UROC1: variants seen among roughly 807,000 people sequenced by gnomAD.
UROC1 encodes urocanate hydratase 1, also known as urocanate hydratase.
UROC1 carries 79 observed loss-of-function variants against 89.5 expected under a neutral mutation model. The observed-to-expected ratio is 0.88, with a 90% confidence interval of 0.74 to 1.06. The LOEUF (loss-of-function observed/expected upper bound fraction) is 1.06. UROC1 is among the 50% of genes least tolerant of loss of function. The pLI, the probability that UROC1 is intolerant of heterozygous loss-of-function variation, is 0.00. For missense variants in UROC1, 885 were observed against 907.8 expected (o/e 0.97, Z 0.32); for synonymous variants, 361 against 354.8 (o/e 1.02, Z -0.20).
intron 13 of UROC1, 46 bp from the exon 14 acceptor site, chr3:126,498,218 G>A: frequency 1.2e-6 from 2 of 1,613,194 alleles, no homozygotes; most frequent in Non-Finnish European, 1.7e-6. Context: ...TGGCTTGTTG[G>A]GGGAGGGGGT....
intron 8 of UROC1, among the ~76,000 whole-genome samples, chr3:126,505,339 T>C (rs893294928): frequency 1.3e-5 from 2 of 152,202 alleles, no homozygotes; most frequent in Non-Finnish European, 2.9e-5. Context: ...GGGGAGTCTA[T>C]GAGTTCATTT....
chr3:126,491,451 G>A (rs879873411), intron 16 of UROC1, among the ~76,000 whole-genome samples: 15 of 152,230 alleles, frequency 9.9e-5, no homozygotes, highest in Admixed American at 5.9e-4. Flanking sequence ...AGCCCGGGGC[G>A]AGTGCGCCTG....
intron 7 of UROC1, 25 bp from the exon 8 acceptor site, chr3:126,505,869 C>G: frequency 6.2e-7 from 1 of 1,612,650 alleles, no homozygotes; most frequent in Non-Finnish European, 8.5e-7. Context: ...GGTGGGGGCT[C>G]ACTGCCCACT....
At position 126,505,960 on chromosome 3, in the gene UROC1, G is replaced by A. The variant is rs533579458; in HGVS notation, c.654C>T (p.Ile218=). ...CATCTCTCACCACAGTGCCATGAAC[G>A]ATTCCCTGGGGACCGATGTAGCAGT... ...GSYCYIGPQG[I]VHGTVLTVLN... is the part of the protein sequence containing the mutation. Residue 218 remains isoleucine (I), a synonymous_variant, in exon 7 of 20, where the codon ATC becomes ATT. Coordinates refer to ENST00000290868, the MANE Select transcript of UROC1 (RefSeq NM_144639.3). The A allele has an allele frequency of 6.9e-6, 11 of 1,597,252 alleles. No homozygotes were observed. The highest frequency in any genetic ancestry group is 2.3e-5 in the East Asian group (1 of 43,576).
At position 126,488,223 on chromosome 3, in the gene UROC1, G is replaced by A. The variant is rs779063574; in HGVS notation, c.1765C>T (p.Leu589Phe). The A allele has an allele frequency of 4.3e-6, 7 of 1,614,240 alleles. No individual in the cohort carries two copies. Among genetic ancestry groups the A allele is most frequent in the Non-Finnish European group, 5.1e-6 (6 of 1,180,030 alleles). The change falls in exon 18 of 20, where the codon CTT (leucine) becomes TTT (phenylalanine). Residue 589 changes from leucine to phenylalanine, a missense_variant. By Grantham distance (22) the Leu-to-Phe change is conservative. Transcript: ENST00000290868. ...CAGCCCACGCCCCCTCCGTTGTGAAGGGCGACCCAGGTGGCTCCGCGACAG... is the reference window on the plus strand; with the variant it reads ...CAGCCCACGCCCCCTCCGTTGTGAAAGGCGACCCAGGTGGCTCCGCGACAG... ...DACRGATWVA[L>F]HNGGGVGWGE...
At chr3:126,504,153 T>C in intron 8 of UROC1, 70 bp from the exon 9 acceptor site, 1 of 1,508,146 alleles carries the variant, frequency 6.6e-7, no homozygotes, top group East Asian at 2.3e-5. Context: ...AAGTGTATCA[T>C]CCTCAACTAG....
intron 1 of UROC1, among the ~76,000 whole-genome samples, chr3:126,516,041 T>C (rs1264743717): frequency 2.1e-4 from 7 of 33,280 alleles, no homozygotes; most frequent in Non-Finnish European, 1.6e-4. Context: ...CCTCCTCCTG[T>C]CCCCCAGCGC....
Position 126,505,790 on chromosome 3 carries a change from T to A in UROC1, c.724A>T (p.Lys242Ter), listed in dbSNP as rs1576726568. The A allele has an allele frequency of 1.2e-6, 2 of 1,613,832 alleles. No individual in the cohort carries two copies. The highest frequency in any genetic ancestry group is 1.7e-6 in the Non-Finnish European group (2 of 1,180,022). Residue 242 changes from lysine (K) to a stop codon, truncating the protein, a stop_gained, in exon 8 of 20, where the codon AAG becomes TAG. Coordinates refer to ENST00000290868, the MANE Select transcript of UROC1 (RefSeq NM_144639.3). LOFTEE classifies it high-confidence loss of function. The stretch of plus-strand genomic sequence containing the variant: ...CCGAGCCCAGAGGTGACAAAGACCT[T>A]CCCAGCCAAGTCCTCGATGCCCAGG... ...RYLGIEDLAG[K>*]VFVTSGLGGM...
chr3:126,486,348 G>T (rs1935515365), intron 18 of UROC1, among the ~76,000 whole-genome samples: 1 of 152,222 alleles, frequency 6.6e-6, no homozygotes, highest in Non-Finnish European at 1.5e-5. Flanking sequence ...CTTTTCTGAG[G>T]TCCAACCAAC....
At position 126,492,425 on chromosome 3, in the gene UROC1, C is replaced by A. The variant is rs1239849017; in HGVS notation, c.1601G>T (p.Arg534Met). The change falls in exon 16 of 20, where the codon AGG becomes ATG. Residue 534 changes from arginine (R) to methionine (M), a missense_variant. By Grantham distance (91) the Arg-to-Met change is moderately conservative (BLOSUM62 -1). Transcript: ENST00000290868. ...VAINQAIACR[R>M]IKAPVVLSRD... The stretch of plus-strand genomic sequence containing the variant: ...GAGCACAGGACACCTCACCTTGATC[C>A]TCCTGCAGGCGATGGCCTGGTTAAT... 1 of 1,613,478 alleles carries A rather than the reference C, an allele frequency of 6.2e-7. No individual in the cohort carries two copies.
At chr3:126,499,909 G>T (rs1379817829) in intron 12 of UROC1, 148 bp downstream of exon 12, 3 of 732,504 alleles carry the variant, frequency 4.1e-6, no homozygotes, top group Admixed American at 2.2e-5. Context: ...CATCCAGAAG[G>T]CCTGGCAGAG....
Position 126,496,714 on chromosome 3 carries a change from G to A in UROC1, c.1439-606C>T, listed in dbSNP as rs564595282. The stretch of plus-strand genomic sequence containing the variant: ...GCAGACTGGTAATTTTCCAGAAATT[G>A]TGGGAGCCAGTGGTTAACATAAATA... On this transcript the variant is annotated intron_variant, in intron 14 of 19. Transcript: ENST00000290868. Among the ~76,000 whole-genome samples the A allele has an allele frequency of 1.2e-4, 18 of 152,372 alleles. No homozygotes were observed. In the South Asian group the frequency reaches 3.5e-3, roughly 30 times the overall value.
rs755161441 is a variant in UROC1 at position 126,505,784 on chromosome 3, A to G, written c.730T>C (p.Phe244Leu). The G allele has an allele frequency of 6.2e-7, 1 of 1,613,930 alleles. No homozygotes were observed. The highest frequency in any genetic ancestry group is 8.5e-7 in the Non-Finnish European group (1 of 1,180,016). Residue 244 changes from phenylalanine (F) to leucine (L), a missense_variant, in exon 8 of 20, where the codon TTT (phenylalanine) becomes CTT (leucine). Coordinates refer to ENST00000290868, the MANE Select transcript of UROC1 (RefSeq NM_144639.3). Reference sequence around the variant, plus strand: ...ATTCCGCCGAGCCCAGAGGTGACAAAGACCTTCCCAGCCAAGTCCTCGATG... The same window carrying G: ...ATTCCGCCGAGCCCAGAGGTGACAAGGACCTTCCCAGCCAAGTCCTCGATG... ...LGIEDLAGKV[F>L]VTSGLGGMSG... is the part of the protein sequence containing the mutation.
At chr3:126,501,362 CAG>C in intron 9 of UROC1, 82 bp from the exon 10 acceptor site, 5 of 1,545,398 alleles carry the variant, frequency 3.2e-6, no homozygotes, top group Non-Finnish European at 1.8e-6. Flanking sequence ...CAGCTGCACA[CAG>C]GGGCAGACCC....
At chr3:126,516,733 C>T (rs1344737853) in intron 1 of UROC1, among the ~76,000 whole-genome samples, 5 of 125,114 alleles carry the variant, frequency 4.0e-5, no homozygotes, top group Admixed American at 8.1e-5. Context: ...CCTTCCCCAG[C>T]GCCAGCTCTG....
At chr3:126,502,372 GTACATGTGTT>G (rs1221265838) in intron 9 of UROC1, among the ~76,000 whole-genome samples, 6 of 151,870 alleles carry the variant, frequency 4.0e-5, no homozygotes, top group African/African-American at 1.4e-4. Flanking sequence ...GCATGTTTGT[GTACATGTGTT>G]TACATGTGTT....
chr3:126,516,669 T>C (rs1576736802), intron 1 of UROC1, among the ~76,000 whole-genome samples: 1 of 18,726 alleles, frequency 5.3e-5, no homozygotes, highest in South Asian at 2.1e-3. Flanking sequence ...AGCATCCTCC[T>C]AGCCCCCCAA....
chr3:126,483,746 G>A (rs1223944610), intron 18 of UROC1, among the ~76,000 whole-genome samples: 2 of 152,216 alleles, frequency 1.3e-5, no homozygotes, highest in Non-Finnish European at 2.9e-5. Context: ...ATCCCTTGAT[G>A]GAAACCTCCT....
chr3:126,491,994 C>T (rs1282074167), intron 16 of UROC1, among the ~76,000 whole-genome samples: 2 of 152,060 alleles, frequency 1.3e-5, no homozygotes, highest in East Asian at 3.9e-4. Flanking sequence ...ACACCTCACC[C>T]AATCCCAGAT....
Sources: allele counts gnomAD v4.1 joint callset (sites outside exome capture counted in the v4.1 genomes callset), GRCh38; gene constraint gnomAD v4.1.1; transcripts MANE v1.5; gene names NCBI Gene and HGNC (gene_info 2026-07-23, HGNC 2026-07-21).